Variants in RPGRIP1L observed in about 807,000 individuals in gnomAD.
RPGRIP1L encodes protein fantom.
A neutral mutation model predicts 160.4 loss-of-function variants in RPGRIP1L; 131 were observed. That is an observed-to-expected ratio of 0.82 (90% CI 0.71 to 0.94). The LOEUF (loss-of-function observed/expected upper bound fraction) is 0.94. Ranked by LOEUF, RPGRIP1L falls within the 40% of genes least tolerant of loss-of-function variation. The pLI, the probability that RPGRIP1L is intolerant of heterozygous loss-of-function variation, is 0.00. For missense variants in RPGRIP1L, 1,522 were observed against 1,535.8 expected, an observed-to-expected ratio of 0.99 and a Z score of 0.15; for synonymous variants, 510 against 515.8, an observed-to-expected ratio of 0.99 and a Z score of 0.15.
At chr16:53,623,056 T>G (rs1964843772) in intron 22 of RPGRIP1L, among the ~76,000 whole-genome samples, 1 of 152,174 alleles carries the variant, frequency 6.6e-6, no homozygotes, top group African/African-American at 2.4e-5. Context: ...ACTGAATTGT[T>G]GAAAGCATAT....
chr16:53,603,865 T>C (rs1963518267), intron 26 of RPGRIP1L, among the ~76,000 whole-genome samples: 1 of 152,140 alleles, frequency 6.6e-6, no homozygotes, highest in Admixed American at 6.6e-5. Flanking sequence ...ACTTCTATGG[T>C]TGCTGCAGAA....
At chr16:53,622,992 G>A in intron 22 of RPGRIP1L, among the ~76,000 whole-genome samples, 1 of 151,794 alleles carries the variant, frequency 6.6e-6, no homozygotes, top group Non-Finnish European at 1.5e-5. Flanking sequence ...TGGGTGACAG[G>A]GTGAGACCCT....
At chr16:53,651,368 G>A (rs1444422574) in intron 15 of RPGRIP1L, among the ~76,000 whole-genome samples, 1 of 152,104 alleles carries the variant, frequency 6.6e-6, no homozygotes, top group Non-Finnish European at 1.5e-5. Context: ...ACAATAGCCT[G>A]AGAACGGTCC....
chr16:53,641,120 A>C lies in RPGRIP1L; in HGVS notation c.2875-4T>G. On this transcript the variant is annotated splice_region_variant and splice_polypyrimidine_tract_variant and intron_variant, in intron 18 of 26. Transcript: ENST00000647211. ...GTCTTGGTTTAGGTCTTGGTGCCTA[A>C]GACAAACCAACCAATGTGTCAGACT... 1 of 1,611,648 alleles carries C rather than the reference A, an allele frequency of 6.2e-7. No individual in the cohort carries two copies. Among genetic ancestry groups the C allele is most frequent in the Non-Finnish European group, 8.5e-7 (1 of 1,177,860 alleles).
intron 2 of RPGRIP1L, among the ~76,000 whole-genome samples, chr16:53,697,554 G>C (rs1173302439): frequency 1.3e-5 from 2 of 152,344 alleles, no homozygotes; most frequent in Admixed American, 1.3e-4. Flanking sequence ...GGTGGAGACG[G>C]GGTTTCGCTG....
At chr16:53,696,042 C>T in intron 3 of RPGRIP1L, 109 bp downstream of exon 3, 4 of 1,095,810 alleles carry the variant, frequency 3.7e-6, no homozygotes, top group Middle Eastern at 2.5e-4. Context: ...TACATCCTGC[C>T]TTGTTCCAAA....
rs780930213 is a variant in RPGRIP1L at position 53,619,257 on chromosome 16, AC to A, written c.3433-50del. The A allele has an allele frequency of 2.5e-5, 39 of 1,538,272 alleles. No homozygotes were observed. The Middle Eastern group carries it at 6.8e-4, about 27-fold the overall frequency. ...AACAACAAAGAAATAAAATAATTGA[AC>A]AAAAAGATCCACTATTACTTTCCAC... On this transcript the variant is annotated intron_variant, in intron 23 of 26. Transcript: ENST00000647211.
intron 26 of RPGRIP1L, among the ~76,000 whole-genome samples, chr16:53,603,297 G>T (rs1023767483): frequency 6.6e-6 from 1 of 152,166 alleles, no homozygotes; most frequent in Non-Finnish European, 1.5e-5. Context: ...TTGTAAGTCT[G>T]ATAGCACTTA....
At chr16:53,650,701 C>T (rs1236322040) in intron 15 of RPGRIP1L, among the ~76,000 whole-genome samples, 1 of 152,084 alleles carries the variant, frequency 6.6e-6, no homozygotes, top group African/African-American at 2.4e-5. Context: ...GAATATATTA[C>T]CTCAATCAAT....
At chr16:53,694,282 T>A (rs1051123242) in intron 3 of RPGRIP1L, 2 of 151,454 alleles carry the variant, frequency 1.3e-5, no homozygotes, top group African/African-American at 4.9e-5. Flanking sequence ...TACTAAAACA[T>A]AAAAATTAGC....
At chr16:53,643,314 A>G (rs1387718108) in intron 17 of RPGRIP1L, among the ~76,000 whole-genome samples, 1 of 135,184 alleles carries the variant, frequency 7.4e-6, no homozygotes, top group Non-Finnish European at 1.6e-5. Flanking sequence ...TCTAAAAAAA[A>G]AAAAAAAAAA....
At chr16:53,700,791 G>A in intron 1 of RPGRIP1L, 61 bp from the exon 2 acceptor site, 1 of 1,303,884 alleles carries the variant, frequency 7.7e-7, no homozygotes, top group Non-Finnish European at 1.1e-6. Context: ...CTATGCAATG[G>A]AATGAACCAA....
intron 22 of RPGRIP1L, chr16:53,635,720 AAAAGTAC>A (rs1965796571): frequency 1.3e-5 from 2 of 152,324 alleles, no homozygotes; most frequent in African/African-American, 4.8e-5. Flanking sequence ...AAAATTCTAC[AAAAGTAC>A]AATTAATCAC....
intron 7 of RPGRIP1L, among the ~76,000 whole-genome samples, chr16:53,673,522 T>C (rs573236041): frequency 1.3e-5 from 2 of 152,292 alleles, no homozygotes; most frequent in East Asian, 3.9e-4. Flanking sequence ...GAACTTTTCT[T>C]AATTTTTCAA....
At chr16:53,665,126 T>A (rs1968132355) in intron 9 of RPGRIP1L, 117 bp from the exon 10 acceptor site, 3 of 1,265,484 alleles carry the variant, frequency 2.4e-6, no homozygotes, top group Admixed American at 1.9e-5. Context: ...AGGAATTAAG[T>A]AAACATATGC....
intron 16 of RPGRIP1L, among the ~76,000 whole-genome samples, chr16:53,646,622 T>C (rs1301516358): frequency 6.6e-6 from 1 of 152,212 alleles, no homozygotes; most frequent in African/African-American, 2.4e-5. Flanking sequence ...TTTGGAACTA[T>C]TATGGAGATG....
intron 24 of RPGRIP1L, among the ~76,000 whole-genome samples, chr16:53,616,264 C>T (rs942637362): frequency 2.6e-5 from 4 of 152,066 alleles, no homozygotes; most frequent in Non-Finnish European, 5.9e-5. Context: ...TATCAGGTAA[C>T]GAGTGAATGG....
At chr16:53,603,709 T>TGG (rs1567787230) in intron 26 of RPGRIP1L, among the ~76,000 whole-genome samples, 1 of 150,272 alleles carries the variant, frequency 6.7e-6, no homozygotes. Context: ...TGTGTGTGTG[T>TGG]TTAATTCCAA....
At position 53,598,380 on chromosome 16, in the gene RPGRIP1L, T is replaced by C. The variant is rs983319208; in HGVS notation, c.*3696A>G. 4 of 152,122 alleles carry C rather than the reference T, an allele frequency of 2.6e-5. No individual in the cohort carries two copies. The highest frequency in any genetic ancestry group is 6.5e-5 in the Admixed American group (1 of 15,268). 9.4% of individuals were successfully genotyped at this position (152,122 alleles called of 1,614,324 possible). A position where few individuals can be genotyped will look rare whatever the true frequency, so the allele number is the denominator to read the frequency against. Reference sequence around the variant, plus strand: ...GAAGGAAAAACATAGCTTGATATATTAGTGAATGTCATATGGAAAATGAAA... The same window carrying C: ...GAAGGAAAAACATAGCTTGATATATCAGTGAATGTCATATGGAAAATGAAA... On this transcript the variant is annotated 3_prime_UTR_variant, in exon 27 of 27. Transcript: ENST00000647211.
Sources: gnomAD v4.1 joint callset for allele counts (sites outside exome capture counted in the v4.1 genomes callset) on GRCh38, gnomAD v4.1.1 for gene constraint, MANE v1.5 for transcripts, NCBI Gene and HGNC (gene_info 2026-07-23, HGNC 2026-07-21) for gene names.